Variants in CNTN4 observed in about 807,000 individuals in gnomAD.
CNTN4 encodes contactin-4.
Under a neutral mutation model 122.5 loss-of-function variants are expected in CNTN4, and 77 were observed. The observed-to-expected ratio is 0.63, with a 90% CI of 0.52 to 0.76. CNTN4 has a LOEUF of 0.76. Ranked by LOEUF, CNTN4 falls within the 30% of genes least tolerant of loss-of-function variation. The pLI, the probability that CNTN4 is intolerant of heterozygous loss-of-function variation, is 0.00. For synonymous variants in CNTN4, 512 were observed against 447.0 expected, an observed-to-expected ratio of 1.15 and a Z score of -1.83; for missense variants, 1,256 against 1,259.1, an observed-to-expected ratio of 1.00 and a Z score of 0.04.
At chr3:2,571,637 A>T in intron 4 of CNTN4, 79 bp downstream of exon 4, 1 of 1,019,896 alleles carries the variant, frequency 9.8e-7, no homozygotes, top group Non-Finnish European at 1.6e-6. Flanking sequence ...CCTTCACTTT[A>T]GACGGCAATG....
intron 2 of CNTN4, among the ~76,000 whole-genome samples, chr3:2,179,266 T>C (rs1200697388): frequency 6.6e-6 from 1 of 152,016 alleles, no homozygotes; most frequent in African/African-American, 2.4e-5. Context: ...ATAAAAATTA[T>C]CCGTGAGAGT....
chr3:2,837,138 C>T (rs1294038138), intron 7 of CNTN4, among the ~76,000 whole-genome samples: 2 of 152,138 alleles, frequency 1.3e-5, no homozygotes, highest in African/African-American at 4.8e-5. Context: ...TTAGTGATTT[C>T]TAAGGTGGCT....
intron 14 of CNTN4, among the ~76,000 whole-genome samples, chr3:3,024,457 AT>A (rs1698564411): frequency 6.7e-6 from 1 of 148,166 alleles, no homozygotes; most frequent in Non-Finnish European, 1.5e-5. Context: ...AATATAGCGG[AT>A]TTTTATTATG....
chr3:2,730,620 C>G (rs1043314077), intron 4 of CNTN4, among the ~76,000 whole-genome samples: 2 of 152,176 alleles, frequency 1.3e-5, no homozygotes, highest in African/African-American at 4.8e-5. Flanking sequence ...TGGAATTTTC[C>G]TAGCTCCACC....
At chr3:2,238,830 C>T (rs1429312241) in intron 2 of CNTN4, 1 of 106,432 alleles carries the variant, frequency 9.4e-6, no homozygotes. Flanking sequence ...CGGGTTCCCG[C>T]CATTCTCCCG....
chr3:2,119,520 ATG>A (rs912763804), intron 2 of CNTN4, among the ~76,000 whole-genome samples: 1 of 152,228 alleles, frequency 6.6e-6, no homozygotes, highest in Non-Finnish European at 1.5e-5. Flanking sequence ...AACACTATTG[ATG>A]TTTCCCCAGG....
chr3:2,736,456 T>A (rs1413249706), intron 5 of CNTN4, 115 bp downstream of exon 5: 2 of 556,296 alleles, frequency 3.6e-6, no homozygotes, highest in Admixed American at 9.7e-5. Context: ...TTTTATTTTA[T>A]TTTATTTTAT....
At chr3:2,488,270 C>T (rs2076219856) in intron 3 of CNTN4, among the ~76,000 whole-genome samples, 2 of 152,180 alleles carry the variant, frequency 1.3e-5, no homozygotes. Context: ...TGCTCAATGT[C>T]ATTTCCTTAT....
At chr3:2,695,360 C>T (rs1306159242) in intron 4 of CNTN4, among the ~76,000 whole-genome samples, 25 of 152,196 alleles carry the variant, frequency 1.6e-4, no homozygotes, top group Non-Finnish European at 1.9e-4. Flanking sequence ...ACCAAGTAAA[C>T]CCCTCTTATG....
intron 23 of CNTN4, among the ~76,000 whole-genome samples, chr3:3,050,313 C>G (rs966432041): frequency 4.6e-5 from 7 of 152,058 alleles, no homozygotes; most frequent in African/African-American, 1.7e-4. Context: ...CTATGACAGC[C>G]AAACAAATAA....
intron 3 of CNTN4, among the ~76,000 whole-genome samples, chr3:2,540,191 G>C (rs1451347914): frequency 6.6e-6 from 1 of 151,962 alleles, no homozygotes; most frequent in African/African-American, 2.4e-5. Flanking sequence ...ACTAGCCATA[G>C]AATTTATTTG....
At chr3:2,677,861 A>G (rs1037997919) in intron 4 of CNTN4, among the ~76,000 whole-genome samples, 2 of 152,318 alleles carry the variant, frequency 1.3e-5, no homozygotes, top group Middle Eastern at 3.4e-3. Context: ...GAGAAACGGT[A>G]CAATTTGCAA....
At chr3:2,279,911 T>C (rs1225691786) in intron 2 of CNTN4, among the ~76,000 whole-genome samples, 3 of 150,572 alleles carry the variant, frequency 2.0e-5, no homozygotes, top group Non-Finnish European at 4.5e-5. Flanking sequence ...TAAATCTATA[T>C]ATCTAGCTAT....
At chr3:2,761,629 A>G (rs2090597157) in intron 6 of CNTN4, among the ~76,000 whole-genome samples, 1 of 152,172 alleles carries the variant, frequency 6.6e-6, no homozygotes, top group Non-Finnish European at 1.5e-5. Flanking sequence ...TGGTCCACAT[A>G]CACCCTGAGA....
chr3:2,390,071 C>T (rs997012698), intron 3 of CNTN4, among the ~76,000 whole-genome samples: 1 of 152,012 alleles, frequency 6.6e-6, no homozygotes, highest in East Asian at 1.9e-4. Context: ...CATAATAATA[C>T]TATATACATG....
At position 2,529,272 on chromosome 3, in the gene CNTN4, C is replaced by T. The variant is rs575340945; in HGVS notation, c.-88-42144C>T. Among the ~76,000 whole-genome samples, 110 of 152,158 alleles carry T rather than the reference C, an allele frequency of 7.2e-4. 2 individuals are homozygous for T. The highest frequency in any genetic ancestry group is 7.7e-4 in the East Asian group (4 of 5,164). ...CTCTGGAGTCATCCATGTTGCCCCA[C>T]GTGAGAGGATATTACTATTTTTTAT... On this transcript the variant is annotated intron_variant, in intron 3 of 24. Coordinates refer to ENST00000418658, the MANE Select transcript of CNTN4 (RefSeq NM_175607.3).
chr3:2,973,558 C>G (rs1423289009), intron 13 of CNTN4, among the ~76,000 whole-genome samples: 1 of 152,026 alleles, frequency 6.6e-6, no homozygotes. Context: ...TCTACCCACA[C>G]ATCAAGAAAG....
At chr3:2,660,414 C>A (rs530876326) in intron 4 of CNTN4, among the ~76,000 whole-genome samples, 1 of 152,270 alleles carries the variant, frequency 6.6e-6, no homozygotes, top group African/African-American at 2.4e-5. Flanking sequence ...AGCGTGTGTT[C>A]ACCTTAGATA....
At chr3:2,115,371 C>G (rs2033280005) in intron 2 of CNTN4, among the ~76,000 whole-genome samples, 1 of 152,208 alleles carries the variant, frequency 6.6e-6, no homozygotes. Flanking sequence ...CTCTCCATAT[C>G]CTTTTGATAG....
Sources: allele counts gnomAD v4.1 joint callset (sites outside exome capture counted in the v4.1 genomes callset), GRCh38; gene constraint gnomAD v4.1.1; transcripts MANE v1.5; gene names NCBI Gene and HGNC (gene_info 2026-07-23, HGNC 2026-07-21).